Variants in SPTBN2 observed in about 807,000 individuals in gnomAD.
SPTBN2 encodes the protein spectrin beta chain, non-erythrocytic 2.
Under a neutral mutation model 284.2 loss-of-function variants are expected in SPTBN2, and 107 were observed. The ratio of observed to expected loss-of-function variants is 0.38; its 90% CI spans 0.32 to 0.44. The LOEUF is 0.44. Among genes scored for constraint, SPTBN2 ranks in the 20% least tolerant of loss-of-function variants. SPTBN2 has a pLI of 1.00. For synonymous variants in SPTBN2, 1,289 were observed against 1,354.8 expected (o/e 0.95, Z 1.07); for missense variants, 2,569 against 3,287.1 (o/e 0.78, Z 5.34).
rs370803567 is a variant in SPTBN2, at chr11:66,713,749, G to A, written c.657-3C>T. 3.7e-5 allele frequency: 59 copies of A among 1,602,562 alleles called. No individual in the cohort carries two copies. Among genetic ancestry groups the A allele is most frequent in the Non-Finnish European group, 4.6e-5 (54 of 1,169,784 alleles). Reference sequence around the variant, plus strand: ...ACTCAAAATCCAGCAGGTCTGGCCTGGGTGGGGAGGCAAGACAGAAGGGAT... The same window carrying A: ...ACTCAAAATCCAGCAGGTCTGGCCTAGGTGGGGAGGCAAGACAGAAGGGAT... On this transcript the variant is annotated splice_region_variant and splice_polypyrimidine_tract_variant and intron_variant, in intron 7 of 37. Coordinates refer to ENST00000533211, the MANE Select transcript of SPTBN2 (RefSeq NM_006946.4).
At chr11:66,716,351 C>T (rs1349002211) in intron 3 of SPTBN2, among the ~76,000 whole-genome samples, 7 of 151,698 alleles carry the variant, frequency 4.6e-5, no homozygotes, top group Non-Finnish European at 1.0e-4. Flanking sequence ...GGCATAGTGG[C>T]GGGCGCCTGT....
intron 29 of SPTBN2, 99 bp from the exon 30 acceptor site, chr11:66,689,279 C>A: frequency 7.5e-7 from 1 of 1,334,894 alleles, no homozygotes; most frequent in Non-Finnish European, 1.0e-6. Flanking sequence ...TTCTTTCTTT[C>A]TTTCTTTTTT....
In SPTBN2 at chr11:66,686,119, A is replaced by AC; in HGVS notation, c.6940-16dup. On this transcript the variant is annotated splice_polypyrimidine_tract_variant and intron_variant, in intron 37 of 37. Coordinates refer to ENST00000533211, the MANE Select transcript of SPTBN2 (RefSeq NM_006946.4). ...CTCATCTCTGCCTGTGGATGGAAAG[A>AC]CCCTCAATCAGCTTCAAGGACACTG... 1 of 1,607,814 alleles carries AC rather than the reference A, an allele frequency of 6.2e-7. No homozygotes were observed. The highest frequency in any genetic ancestry group is 8.5e-7 in the Non-Finnish European group (1 of 1,176,704).
rs374540138 is a variant in SPTBN2 at position 66,687,211 on chromosome 11, G to A, written c.6723-44C>T. On this transcript the variant is annotated intron_variant, in intron 35 of 37. Coordinates refer to ENST00000533211, the MANE Select transcript of SPTBN2 (RefSeq NM_006946.4). This position sits in a 1 kb window ranked among gnomAD's most constrained non-coding sequence, Gnocchi z 5.2. The stretch of plus-strand genomic sequence containing the variant: ...TGACTGGCCGGCCTCAGTGGCGCCC[G>A]CAACCTGGAGCCCTCTTGGGTGTCC... 73 of 1,608,862 alleles carry A rather than the reference G, an allele frequency of 4.5e-5. 2 individuals carry two copies. In the East Asian group the frequency reaches 5.1e-4, roughly 11 times the overall value.
At chr11:66,705,860 A>C (rs1941527669) in intron 13 of SPTBN2, 23 bp from the exon 14 acceptor site, 2 of 1,611,050 alleles carry the variant, frequency 1.2e-6, no homozygotes, top group Non-Finnish European at 1.7e-6. Flanking sequence ...CATGAAGTGC[A>C]CATGCCCGCC....
rs1478092050 is a variant in SPTBN2, at chr11:66,688,917, G to A, written c.6035-68C>T. On this transcript the variant is annotated intron_variant, in intron 30 of 37. Transcript: ENST00000533211. ...GCCACTGGCAGGGCACAGTGGCCAT[G>A]GCAACCTCAAGAACAGGGACACAGA... The A allele has an allele frequency of 1.7e-5, 27 of 1,570,002 alleles. No homozygotes were observed. The Admixed American group carries it at 2.4e-4, about 14-fold the overall frequency.
Position 66,701,175 on chromosome 11 carries a change from C to T in SPTBN2, c.2924G>A (p.Arg975Lys), listed in dbSNP as rs781016781. The T allele has an allele frequency of 1.2e-6, 2 of 1,613,196 alleles. No homozygotes were observed. Among genetic ancestry groups the T allele is most frequent in the Non-Finnish European group, 1.7e-6 (2 of 1,180,046 alleles). Residue 975 changes from arginine to lysine, a missense_variant, in exon 17 of 38, where the codon AGA becomes AAA. Arg to Lys is a conservative substitution (Grantham distance 26). This residue lies in a region of SPTBN2 where 1,012 missense variants were observed against 1,248.9 expected (regional missense o/e 0.81). Transcript: ENST00000533211. ...GGACTCGATGACTTTGGTCTTCTCTCTCATCCAGGCCTGGGTCTCCGTGCA... is the reference window on the plus strand; with the variant it reads ...GGACTCGATGACTTTGGTCTTCTCTTTCATCCAGGCCTGGGTCTCCGTGCA... ...LECTETQAWM[R>K]EKTKVIESTQ... is the part of the protein sequence containing the mutation.
chr11:66,705,101 G>C lies in SPTBN2; in HGVS notation c.2175C>G (p.Leu725=). 1 of 1,562,368 alleles carries C rather than the reference G, an allele frequency of 6.4e-7. No homozygotes were observed. Among genetic ancestry groups the C allele is most frequent in the Non-Finnish European group, 8.6e-7 (1 of 1,159,916 alleles). The stretch of plus-strand genomic sequence containing the variant: ...CCTCTAGCCGCTCCCACTGGGCTTG[G>C]AGTTCAGCTGCACGGGCAGAGGCCT... ...ASQASARAAE[L]QAQWERLEAL... The change falls in exon 15 of 38, where the codon CTC becomes CTG. Residue 725 remains leucine (L), a synonymous_variant. Coordinates refer to ENST00000533211, the MANE Select transcript of SPTBN2 (RefSeq NM_006946.4).
rs538691061 is a variant in SPTBN2 at position 66,708,201 on chromosome 11, G to A, written c.1290C>T (p.Phe430=). ...TCTCCCGCATGGCAGCCTTGCGGTC[G>A]AAGCGGGCGGCCAGCTGCTCCAGCT... is the stretch of plus-strand genomic sequence containing the variant. ...QEKLEQLAAR[F]DRKAAMRETW... is the part of the protein sequence containing the mutation. Residue 430 remains phenylalanine, a synonymous_variant, in exon 12 of 38, where the codon TTC becomes TTT. Transcript: ENST00000533211. This position sits in a 1 kb window ranked among gnomAD's most constrained non-coding sequence, Gnocchi z 4.4. The A allele has an allele frequency of 4.7e-5, 76 of 1,612,206 alleles. No individual in the cohort carries two copies. In the South Asian group the frequency reaches 5.4e-4, roughly 11 times the overall value.
chr11:66,705,932 T>C, intron 13 of SPTBN2, 95 bp from the exon 14 acceptor site: 2 of 1,518,746 alleles, frequency 1.3e-6, no homozygotes, highest in Non-Finnish European at 1.8e-6. Context: ...CCCCAGGTGT[T>C]GCACCCAGGT....
At chr11:66,689,964 C>CA (rs768413261) in intron 28 of SPTBN2, 21 bp from the exon 29 acceptor site, 22 of 1,613,564 alleles carry the variant, frequency 1.4e-5, no homozygotes, top group Admixed American at 3.3e-5. Context: ...GCAGAAACAG[C>CA]ATCACCTGCT....
At chr11:66,701,856 C>T (rs754948470) in intron 15 of SPTBN2, 135 bp from the exon 16 acceptor site, 17 of 1,262,724 alleles carry the variant, frequency 1.3e-5, no homozygotes, top group Non-Finnish European at 1.7e-5. Flanking sequence ...CTCTCTGCCT[C>T]TCAGCCTATG....
chr11:66,692,566 G>C lies in SPTBN2; in HGVS notation c.5160C>G (p.His1720Gln), dbSNP rs763157375. The change falls in exon 26 of 38, where the codon CAC becomes CAG. Residue 1720 changes from histidine (H) to glutamine (Q), a missense_variant. His to Gln is a conservative substitution (Grantham distance 24). Coordinates refer to ENST00000533211, the MANE Select transcript of SPTBN2 (RefSeq NM_006946.4). ...CATGCTCGTAGTCCTGGCCCAGCTC[G>C]TGGGAGGCCGCCACCACCTCGCGCT... ...IQEREVVAAS[H>Q]ELGQDYEHVT... The C allele has an allele frequency of 3.7e-6, 6 of 1,605,244 alleles. No homozygotes were observed. The Admixed American group carries it at 1.0e-4, about 27-fold the overall frequency.
upstream of SPTBN2, among the ~76,000 whole-genome samples, chr11:66,730,824 A>T (rs1942800475): frequency 6.6e-6 from 1 of 152,198 alleles, no homozygotes; most frequent in South Asian, 2.1e-4. Context: ...TCTCATTCTT[A>T]TTCTATTGAT....
chr11:66,704,735 G>T lies in SPTBN2; in HGVS notation c.2541C>A (p.Ala847=). ...LQARAGERAR[A]LEAALALYTM... The stretch of plus-strand genomic sequence containing the variant: ...TGTAGAGCGCCAGGGCTGCCTCCAA[G>T]GCCCGCGCTCGCTCGCCTGCCCGGG... The change falls in exon 15 of 38, where the codon GCC becomes GCA. Residue 847 remains alanine, a synonymous_variant. Transcript: ENST00000533211. 6.2e-7 allele frequency: 1 copy of T among 1,603,048 alleles called. No individual in the cohort carries two copies. The highest frequency in any genetic ancestry group is 8.5e-7 in the Non-Finnish European group (1 of 1,176,004).
chr11:66,697,715 T>G (rs949811426), intron 20 of SPTBN2, among the ~76,000 whole-genome samples: 2 of 152,194 alleles, frequency 1.3e-5, no homozygotes, highest in African/African-American at 2.4e-5. Context: ...GGGGCCACTC[T>G]CACAGCACTC....
In SPTBN2 at chr11:66,692,659, G is replaced by T. The variant is rs886048549; in HGVS notation, c.5067C>A (p.Arg1689=). The T allele has an allele frequency of 1.2e-6, 2 of 1,604,146 alleles. No individual in the cohort carries two copies. Among genetic ancestry groups the T allele is most frequent in the Non-Finnish European group, 8.5e-7 (1 of 1,179,902 alleles). ...GGCACAGCCGGAGGTGCTCCTGCAG[G>T]CGCTCCCGCCGCTCTCCAGCCAGCT... ...LKELAGERRE[R]LQEHLRLCQL... is the part of the protein sequence containing the mutation. Residue 1689 remains arginine, a synonymous_variant, in exon 26 of 38, where the codon CGC becomes CGA. Transcript: ENST00000533211.
Position 66,696,493 on chromosome 11 carries a change from C to G in SPTBN2, c.4062G>C (p.Val1354=). The G allele has an allele frequency of 6.2e-7, 1 of 1,612,338 alleles. No individual in the cohort carries two copies. The highest frequency in any genetic ancestry group is 8.5e-7 in the Non-Finnish European group (1 of 1,180,020). The change falls in exon 21 of 38, where the codon GTG becomes GTC. Residue 1354 remains valine, a synonymous_variant. Transcript: ENST00000533211. ...TLEKPELKAL[V]SEKLRDLHRR... ...TGTGCAGGTCTCTCAGCTTCTCCGA[C>G]ACCAGGGCTTTCAGCTCTGGCTTCT... is the stretch of plus-strand genomic sequence containing the variant.
chr11:66,691,771 GGGGGCCGGGACAGGTTTCTTCCCTGT>G lies in SPTBN2; in HGVS notation c.5191-139_5191-114del. ...CAGAACCCACCTCTCCCCGCTGCAT[GGGGGCCGGGACAGGTTTCTTCCCTGT>G]GGTTAAGGAGTAGGTGCAGCTGCTT... On this transcript the variant is annotated intron_variant, in intron 26 of 37. Coordinates refer to ENST00000533211, the MANE Select transcript of SPTBN2 (RefSeq NM_006946.4). This position sits in a 1 kb window ranked among gnomAD's most constrained non-coding sequence, Gnocchi z 8.0. The G allele has an allele frequency of 6.7e-7, 1 of 1,489,292 alleles. No individual in the cohort carries two copies. Among genetic ancestry groups the G allele is most frequent in the Non-Finnish European group, 9.2e-7 (1 of 1,088,912 alleles). The allele number at this position is 1,489,292 out of a possible 1,614,324, so 92.3% of individuals were successfully genotyped here. A position where few individuals can be genotyped will look rare whatever the true frequency, so the allele number is the denominator to read the frequency against.
Sources: allele counts gnomAD v4.1 joint callset (sites outside exome capture counted in the v4.1 genomes callset), GRCh38; gene constraint gnomAD v4.1.1; regional missense constraint gnomAD v4.1.1; non-coding constraint Gnocchi (gnomAD v3.1); transcripts MANE v1.5; gene names NCBI Gene and HGNC (gene_info 2026-07-23, HGNC 2026-07-21).